The following TRIO variants were observed in gnomAD, a reference collection of about 807,000 sequenced individuals.
The protein encoded by TRIO is triple functional domain protein.
In TRIO, 58 loss-of-function variants were observed where a neutral mutation model predicts 351.9. That is an observed-to-expected ratio of 0.16 (90% confidence interval 0.13 to 0.21). The LOEUF (loss-of-function observed/expected upper bound fraction) is 0.21. Ranked by LOEUF, TRIO falls within the 10% of genes least tolerant of loss-of-function variation. The pLI is 1.00. For synonymous variants in TRIO, 1,758 were observed against 1,595.7 expected, an observed-to-expected ratio of 1.10 and a Z score of -2.42; for missense variants, 3,201 against 4,027.8, an observed-to-expected ratio of 0.79 and a Z score of 5.56.
At chr5:14,288,379 T>C (rs1328362178) in intron 4 of TRIO, among the ~76,000 whole-genome samples, 2 of 152,216 alleles carry the variant, frequency 1.3e-5, no homozygotes, top group African/African-American at 4.8e-5. Flanking sequence ...TTATTAAAAG[T>C]CCAGCAGGAC....
In TRIO at chr5:14,465,540, T is replaced by C. The variant is rs997920197; in HGVS notation, c.5668-5T>C. 1.2e-6 allele frequency: 2 copies of C among 1,613,912 alleles called. No individual in the cohort carries two copies. Among genetic ancestry groups the C allele is most frequent in the Non-Finnish European group, 1.7e-6 (2 of 1,179,960 alleles). On this transcript the variant is annotated splice_region_variant and splice_polypyrimidine_tract_variant and intron_variant, in intron 36 of 56. Coordinates refer to ENST00000344204, the MANE Select transcript of TRIO (RefSeq NM_007118.4). Reference sequence around the variant, plus strand: ...ACCCCCTCCTTTTCTTAATTTCTTCTGTAGGCCTCTTCTCGGTTATTAGTC... The same window carrying C: ...ACCCCCTCCTTTTCTTAATTTCTTCCGTAGGCCTCTTCTCGGTTATTAGTC...
intron 1 of TRIO, among the ~76,000 whole-genome samples, chr5:14,242,621 C>G (rs1794195104): frequency 6.6e-6 from 1 of 152,196 alleles, no homozygotes; most frequent in Non-Finnish European, 1.5e-5. Context: ...GTCACCCAGG[C>G]TGGAGTACGG....
chr5:14,319,644 G>A (rs189011090), intron 9 of TRIO, among the ~76,000 whole-genome samples: 1 of 152,316 alleles, frequency 6.6e-6, no homozygotes, highest in African/African-American at 2.4e-5. Flanking sequence ...AAAAGCACCT[G>A]TAAGTACATT....
chr5:14,442,484 A>T (rs1752136781), intron 34 of TRIO, among the ~76,000 whole-genome samples: 1 of 152,200 alleles, frequency 6.6e-6, no homozygotes. Context: ...ATGGAATACT[A>T]GGAGGTAAGA....
At chr5:14,459,031 C>T (rs997904394) in intron 34 of TRIO, among the ~76,000 whole-genome samples, 1 of 152,214 alleles carries the variant, frequency 6.6e-6, no homozygotes, top group African/African-American at 2.4e-5. Context: ...GGTTATCATT[C>T]TTTAACAGAT....
chr5:14,299,436 C>G (rs1223025187), intron 7 of TRIO, among the ~76,000 whole-genome samples: 1 of 152,142 alleles, frequency 6.6e-6, no homozygotes, highest in Non-Finnish European at 1.5e-5. Flanking sequence ...AACGAAGCAA[C>G]AAGGCCTGCA....
chr5:14,450,574 C>A (rs1414666625), intron 34 of TRIO, among the ~76,000 whole-genome samples: 1 of 152,040 alleles, frequency 6.6e-6, no homozygotes, highest in Non-Finnish European at 1.5e-5. Context: ...TTAACTTTCT[C>A]CTTCATGTTT....
chr5:14,326,558 T>G (rs1307895474), intron 9 of TRIO, among the ~76,000 whole-genome samples: 2 of 152,224 alleles, frequency 1.3e-5, no homozygotes, highest in African/African-American at 2.4e-5. Flanking sequence ...TTTACTCTTC[T>G]GCCTCTGTGC....
At chr5:14,243,876 C>T (rs1454906771) in intron 1 of TRIO, among the ~76,000 whole-genome samples, 1 of 152,192 alleles carries the variant, frequency 6.6e-6, no homozygotes, top group African/African-American at 2.4e-5. Context: ...GCAAAGGCCT[C>T]ATAGGAGCCT....
At chr5:14,171,417 A>G (rs765171758) in intron 1 of TRIO, among the ~76,000 whole-genome samples, 53 of 152,242 alleles carry the variant, frequency 3.5e-4, no homozygotes, top group Non-Finnish European at 5.1e-4. Context: ...AAATTGCACC[A>G]TATAAGGTAA....
At position 14,388,661 on chromosome 5, in the gene TRIO, C is replaced by T. The variant is rs367865728; in HGVS notation, c.3930C>T (p.Asp1310=). ...LIQTEKAYVR[D]LRECMDTYLW... is the part of the protein sequence containing the mutation. ...AAACTGAAAAGGCTTATGTAAGAGA[C>T]CTCCGGGAATGTATGGATGTAAGTA... The change falls in exon 24 of 57, where the codon GAC becomes GAT. Residue 1310 remains aspartate, a synonymous_variant. Transcript: ENST00000344204. 6.2e-6 allele frequency: 10 copies of T among 1,612,716 alleles called. No individual in the cohort carries two copies. Among genetic ancestry groups the T allele is most frequent in the East Asian group, 4.5e-5 (2 of 44,844 alleles).
chr5:14,411,970 G>T (rs2152384393), intron 33 of TRIO, among the ~76,000 whole-genome samples: 1 of 148,616 alleles, frequency 6.7e-6, no homozygotes, highest in South Asian at 2.1e-4. Flanking sequence ...TCTATGTGTT[G>T]TTTTTTTTCT....
At chr5:14,255,595 A>C (rs533027699) in intron 1 of TRIO, among the ~76,000 whole-genome samples, 10 of 152,336 alleles carry the variant, frequency 6.6e-5, no homozygotes, top group African/African-American at 2.2e-4. Flanking sequence ...TGGATTTCAG[A>C]TATTTTTGGA....
intron 9 of TRIO, among the ~76,000 whole-genome samples, chr5:14,321,419 C>T (rs1739872280): frequency 1.3e-5 from 2 of 152,374 alleles, no homozygotes; most frequent in African/African-American, 2.4e-5. Flanking sequence ...CGCCGAATGC[C>T]AGTGCATGGT....
intron 30 of TRIO, 144 bp downstream of exon 30, chr5:14,399,214 A>C (rs1315090470): frequency 1.3e-6 from 1 of 782,718 alleles, no homozygotes; most frequent in African/African-American, 1.8e-5. Flanking sequence ...TAGGGTTTTC[A>C]TCTTCAGTGA....
intron 1 of TRIO, among the ~76,000 whole-genome samples, chr5:14,248,738 C>T (rs531876229): frequency 2.6e-5 from 4 of 152,340 alleles, no homozygotes; most frequent in South Asian, 2.1e-4. Context: ...CATTGGTGGA[C>T]ACTGTTGGTG....
intron 1 of TRIO, among the ~76,000 whole-genome samples, chr5:14,214,938 T>C (rs1345023183): frequency 3.3e-5 from 5 of 152,324 alleles, no homozygotes; most frequent in African/African-American, 1.2e-4. Context: ...AAAATTGTGT[T>C]GAATGAAGTG....
chr5:14,421,729 G>A (rs745960984), intron 34 of TRIO, among the ~76,000 whole-genome samples: 2 of 152,126 alleles, frequency 1.3e-5, no homozygotes, highest in South Asian at 2.1e-4. Context: ...GATAGGAAGC[G>A]GTAGGGCGTG....
chr5:14,421,668 C>T (rs1034578695), intron 34 of TRIO, among the ~76,000 whole-genome samples: 17 of 151,262 alleles, frequency 1.1e-4, no homozygotes, highest in African/African-American at 3.9e-4. Context: ...CAACAGACAG[C>T]AGGTGTGGGT....
Sources: allele counts gnomAD v4.1 joint callset (sites outside exome capture counted in the v4.1 genomes callset), GRCh38; gene constraint gnomAD v4.1.1; transcripts MANE v1.5; gene names NCBI Gene and HGNC (gene_info 2026-07-23, HGNC 2026-07-21).